The following SHC3 variants were observed in gnomAD, a reference collection of about 807,000 sequenced individuals.
The protein encoded by SHC3 is SHC adaptor protein 3.
A neutral mutation model predicts 60.4 loss-of-function variants in SHC3; 15 were observed. That is an observed-to-expected ratio of 0.25 (90% CI 0.17 to 0.38). The LOEUF (loss-of-function observed/expected upper bound fraction) is 0.38. Among genes scored for constraint, SHC3 ranks in the 10% least tolerant of loss-of-function variants. The pLI is 1.00. For synonymous variants in SHC3, 294 were observed against 325.9 expected (o/e 0.90, Z 1.05); for missense variants, 677 against 786.1 (o/e 0.86, Z 1.66).
intron 11 of SHC3, among the ~76,000 whole-genome samples, chr9:89,021,732 G>A (rs180897280): frequency 6.6e-4 from 100 of 152,288 alleles, no homozygotes; most frequent in African/African-American, 2.4e-3. Flanking sequence ...GCTAGGAATC[G>A]GAACCTTGAG....
Position 89,178,074 on chromosome 9 carries a change from G to A in SHC3, c.387C>T (p.Pro129=), listed in dbSNP as rs1461796035. 4.2e-6 allele frequency: 5 copies of A among 1,201,114 alleles called. No individual in the cohort carries two copies. Among genetic ancestry groups the A allele is most frequent in the Non-Finnish European group, 5.2e-6 (5 of 968,650 alleles). 74.4% of individuals were successfully genotyped at this position (1,201,114 alleles called of 1,614,324 possible). A position where few individuals can be genotyped will look rare whatever the true frequency, so the allele number is the denominator to read the frequency against. The change falls in exon 1 of 12, where the codon CCC becomes CCT. Residue 129 remains proline, a synonymous_variant. Transcript: ENST00000375835. The surrounding 1 kb of genome is among the most constrained non-coding windows in gnomAD (Gnocchi z 6.9). The part of the protein sequence containing the change: ...PAMSAARKGR[P]GDEPLPRPPR... ...GGGGCCTGGGCAGCGGCTCGTCGCC[G>A]GGCCGGCCCTTCCTGGCGGCGCTCA...
At chr9:89,172,901 T>C (rs1388455772) in intron 1 of SHC3, among the ~76,000 whole-genome samples, 1 of 152,228 alleles carries the variant, frequency 6.6e-6, no homozygotes, top group Non-Finnish European at 1.5e-5. Context: ...TGGATCCTTG[T>C]ACTGCAGGGT....
intron 7 of SHC3, among the ~76,000 whole-genome samples, chr9:89,047,584 G>T (rs1356074358): frequency 6.6e-6 from 1 of 152,124 alleles, no homozygotes; most frequent in Non-Finnish European, 1.5e-5. Flanking sequence ...ATGAGCTGAG[G>T]ATTTGAGCAG....
At chr9:89,041,041 C>T (rs1267579094) in intron 10 of SHC3, among the ~76,000 whole-genome samples, 6 of 152,196 alleles carry the variant, frequency 3.9e-5, no homozygotes, top group Non-Finnish European at 7.3e-5. Context: ...CAGTAGTTAT[C>T]GTAATACCTA....
Position 89,045,913 on chromosome 9 carries a change from G to A in SHC3, c.1114-80C>T, listed in dbSNP as rs180893071. ...CACTTTTGAAAGCCACAAGACAGTC[G>A]GCGAGTTGATCCTTAAGGTGGTTCG... On this transcript the variant is annotated intron_variant, in intron 8 of 11. Coordinates refer to ENST00000375835, the MANE Select transcript of SHC3 (RefSeq NM_016848.6). The A allele has an allele frequency of 3.2e-3, 4,568 of 1,414,910 alleles. 10 individuals are homozygous for A. The highest frequency in any genetic ancestry group is 3.9e-3 in the Non-Finnish European group (3,906 of 1,011,498). The allele number at this position is 1,414,910 out of a possible 1,614,324, so 87.6% of individuals were successfully genotyped here. A position where few individuals can be genotyped will look rare whatever the true frequency, so the allele number is the denominator to read the frequency against.
chr9:89,137,119 C>T lies in SHC3; in HGVS notation c.475-24493G>A, dbSNP rs573116605. ...ATGAGAACAGCAAAGGGAAAATCCA[C>T]CTCCAGGATCCAATCACCTTGCACC... On this transcript the variant is annotated intron_variant, in intron 1 of 11. Transcript: ENST00000375835. 1.0e-3 allele frequency among the ~76,000 whole-genome samples: 152 copies of T among 152,240 alleles called. 1 individual carries two copies. Among genetic ancestry groups the T allele is most frequent in the African/African-American group, 3.1e-3 (128 of 41,546 alleles).
chr9:89,118,208 C>T (rs959844287), intron 1 of SHC3, among the ~76,000 whole-genome samples: 2 of 150,788 alleles, frequency 1.3e-5, no homozygotes, highest in African/African-American at 2.4e-5. Context: ...TTTTTCCATT[C>T]CGTCTCTACC....
intron 3 of SHC3, among the ~76,000 whole-genome samples, chr9:89,077,473 T>G (rs1825377611): frequency 6.6e-6 from 1 of 152,204 alleles, no homozygotes; most frequent in South Asian, 2.1e-4. Context: ...GGAGAGCTGG[T>G]TGTTAAACAT....
At chr9:89,076,339 T>C (rs1428069536) in intron 3 of SHC3, among the ~76,000 whole-genome samples, 1 of 152,056 alleles carries the variant, frequency 6.6e-6, no homozygotes, top group Non-Finnish European at 1.5e-5. Flanking sequence ...GTCCCCAAGC[T>C]CTGAAGACAG....
At chr9:89,176,592 TTC>T (rs1826945239) in intron 1 of SHC3, among the ~76,000 whole-genome samples, 1 of 152,254 alleles carries the variant, frequency 6.6e-6, no homozygotes, top group Admixed American at 6.5e-5. Flanking sequence ...GTTTGTTTTT[TTC>T]TTTTTGTTTT....
In SHC3 at chr9:89,128,786, C is replaced by T. The variant is rs140534435; in HGVS notation, c.475-16160G>A. Among the ~76,000 whole-genome samples the T allele has an allele frequency of 4.9e-3, 752 of 152,246 alleles. 8 individuals carry two copies. The highest frequency in any genetic ancestry group is 0.011 in the South Asian group (51 of 4,824). Reference sequence around the variant, plus strand: ...CAAAGGCCAAAGGTAGATAAAACTACAAAGATTGGGAGAAACCAGAGCAGA... The same window carrying T: ...CAAAGGCCAAAGGTAGATAAAACTATAAAGATTGGGAGAAACCAGAGCAGA... On this transcript the variant is annotated intron_variant, in intron 1 of 11. Coordinates refer to ENST00000375835, the MANE Select transcript of SHC3 (RefSeq NM_016848.6).
intron 11 of SHC3, among the ~76,000 whole-genome samples, chr9:89,023,947 T>A (rs1826245264): frequency 6.6e-6 from 1 of 152,226 alleles, no homozygotes; most frequent in Admixed American, 6.5e-5. Flanking sequence ...CCAGGCCCCA[T>A]TCCGAGTTCC....
chr9:89,108,749 A>C (rs558981265), intron 2 of SHC3, among the ~76,000 whole-genome samples: 1 of 152,324 alleles, frequency 6.6e-6, no homozygotes, highest in East Asian at 1.9e-4. Flanking sequence ...ATTTCCAAAT[A>C]TGAGACTCTT....
Position 89,085,792 on chromosome 9 carries a change from C to CCCTGTCTAAGG in SHC3, c.546-7890_546-7889insCCTTAGACAGG, listed in dbSNP as rs531951179. Among the ~76,000 whole-genome samples the CCCTGTCTAAGG allele has an allele frequency of 9.2e-5, 14 of 152,312 alleles. No homozygotes were observed. In the East Asian group the frequency reaches 2.7e-3, roughly 29 times the overall value. ...AAAATAAGGACACAGGGCTCATCAA[C>CCCTGTCTAAGG]CCTCAAGGCATTAGAGTTCTAGAAA... On this transcript the variant is annotated intron_variant, in intron 2 of 11. Transcript: ENST00000375835.
chr9:89,057,254 C>T (rs1021842029), intron 6 of SHC3, among the ~76,000 whole-genome samples: 1 of 151,702 alleles, frequency 6.6e-6, no homozygotes, highest in Admixed American at 6.6e-5. Flanking sequence ...ACTGGTCAGA[C>T]AACCTTAGTT....
intron 6 of SHC3, among the ~76,000 whole-genome samples, chr9:89,058,868 ACG>A (rs1825005854): frequency 2.6e-5 from 3 of 115,136 alleles, no homozygotes; most frequent in African/African-American, 1.0e-4. Flanking sequence ...GTGGTGGAGG[ACG>A]TGGTGGAAGA....
chr9:89,024,804 G>T (rs1260315079), intron 11 of SHC3, among the ~76,000 whole-genome samples: 3 of 152,210 alleles, frequency 2.0e-5, no homozygotes, highest in Non-Finnish European at 4.4e-5. Flanking sequence ...CTGCAGGGTG[G>T]GCTGGGGCTG....
In SHC3 at chr9:89,009,469, CGA is replaced by C. The variant is rs1825986756; in HGVS notation, c.*3976_*3977del. ...TGGACAGCACACAAAGTTGGGCCAGCGAGAGAGAACCAATGGGCACGCTGGGA... is the reference window on the plus strand; with the variant it reads ...TGGACAGCACACAAAGTTGGGCCAGCGAGAGAACCAATGGGCACGCTGGGA... On this transcript the variant is annotated 3_prime_UTR_variant, in exon 12 of 12. Transcript: ENST00000375835. The C allele has an allele frequency of 6.6e-6, 1 of 152,174 alleles. No homozygotes were observed. The highest frequency in any genetic ancestry group is 2.1e-4 in the South Asian group (1 of 4,828). The allele number at this position is 152,174 out of a possible 1,614,324, so 9.4% of individuals were successfully genotyped here.
Position 89,129,514 on chromosome 9 carries a change from C to T in SHC3, c.475-16888G>A, listed in dbSNP as rs1461993152. Among the ~76,000 whole-genome samples the T allele has an allele frequency of 2.6e-5, 4 of 152,236 alleles. No individual in the cohort carries two copies. In the South Asian group the frequency reaches 8.3e-4, roughly 32 times the overall value. On this transcript the variant is annotated intron_variant, in intron 1 of 11. Transcript: ENST00000375835. ...GTTAAGGGCAGCCAGAGAGAAAGGT[C>T]GGGTTACCCACAAAGGGAAGCCCAT...
Sources: allele counts gnomAD v4.1 joint callset (sites outside exome capture counted in the v4.1 genomes callset), GRCh38; gene constraint gnomAD v4.1.1; non-coding constraint Gnocchi (gnomAD v3.1); transcripts MANE v1.5; gene names NCBI Gene and HGNC (gene_info 2026-07-23, HGNC 2026-07-21).